The following CC2D2A variants were observed in gnomAD, a reference collection of about 807,000 sequenced individuals.
The protein encoded by CC2D2A is coiled-coil and C2 domain-containing protein 2A.
A neutral mutation model predicts 212.9 loss-of-function variants in CC2D2A; 155 were observed. The ratio of observed to expected loss-of-function variants is 0.73; its 90% CI spans 0.64 to 0.83. The LOEUF (loss-of-function observed/expected upper bound fraction) is 0.83. CC2D2A is among the 40% of genes least tolerant of loss of function. The probability of loss-of-function intolerance (pLI) is 0.00; values close to 1 mark genes in which losing one functional copy is unlikely to be tolerated. For missense variants in CC2D2A, 1,856 were observed against 1,956.2 expected, an observed-to-expected ratio of 0.95 and a Z score of 0.97; for synonymous variants, 667 against 686.5, an observed-to-expected ratio of 0.97 and a Z score of 0.44.
chr4:15,569,405 T>C lies in CC2D2A; in HGVS notation c.3495+16T>C. On this transcript the variant is annotated intron_variant, in intron 27 of 36. Transcript: ENST00000424120. ...TGTCTTAGAGGTAAGTTCTCAGTTTTAAGAAAGACACTTGTATTCACTTTC... is the reference window on the plus strand; with the variant it reads ...TGTCTTAGAGGTAAGTTCTCAGTTTCAAGAAAGACACTTGTATTCACTTTC... 7.1e-7 allele frequency: 1 copy of C among 1,415,868 alleles called. No homozygotes were observed. The highest frequency in any genetic ancestry group is 1.2e-5 in the South Asian group (1 of 81,542). The allele number at this position is 1,415,868 out of a possible 1,614,324, so 87.7% of individuals were successfully genotyped here. A position where few individuals can be genotyped will look rare whatever the true frequency, so the allele number is the denominator to read the frequency against.
chr4:15,598,943 T>C (rs965224593), intron 35 of CC2D2A, among the ~76,000 whole-genome samples: 5 of 152,118 alleles, frequency 3.3e-5, no homozygotes, highest in African/African-American at 9.7e-5. Context: ...GCGGATCACT[T>C]GAGCCCAAGA....
At chr4:15,574,122 T>C (rs1255427504) in intron 28 of CC2D2A, 28 bp from the exon 29 acceptor site, 9 of 1,502,586 alleles carry the variant, frequency 6.0e-6, no homozygotes, top group Non-Finnish European at 8.1e-6. Context: ...AGCATCAGGA[T>C]GTTTACCAAG....
chr4:15,502,634 C>G lies in CC2D2A; in HGVS notation c.336+117C>G, dbSNP rs1416903457. ...TTTGAATACCATTCAATTTGTCTTT[C>G]AAGTTTTAAATGTTAATGTCTTATT... On this transcript the variant is annotated intron_variant, in intron 5 of 36. Transcript: ENST00000424120. 4.7e-6 allele frequency: 5 copies of G among 1,072,428 alleles called. No individual in the cohort carries two copies. In the East Asian group the frequency reaches 1.0e-4, roughly 22 times the overall value. 66.4% of individuals were successfully genotyped at this position (1,072,428 alleles called of 1,614,324 possible).
At chr4:15,558,535 C>A (rs1288695667) in intron 21 of CC2D2A, among the ~76,000 whole-genome samples, 2 of 151,982 alleles carry the variant, frequency 1.3e-5, no homozygotes. Context: ...GACAGGTTTT[C>A]TCTACTTGAC....
chr4:15,549,670 G>C (rs556628698), intron 17 of CC2D2A, among the ~76,000 whole-genome samples: 2 of 152,336 alleles, frequency 1.3e-5, no homozygotes. Context: ...AGGCGTGGTG[G>C]TGGGCGCCTG....
intron 16 of CC2D2A, among the ~76,000 whole-genome samples, chr4:15,540,204 G>A (rs560397904): frequency 6.6e-6 from 1 of 151,504 alleles, no homozygotes; most frequent in Non-Finnish European, 1.5e-5. Context: ...AGCTTGAATT[G>A]CTATTGACTT....
intron 1 of CC2D2A, 130 bp from the exon 2 acceptor site, chr4:15,475,785 G>A: frequency 2.8e-6 from 2 of 726,248 alleles, no homozygotes; most frequent in Admixed American, 4.3e-5. Context: ...CAGGGTTCCT[G>A]GTGAGTGGAA....
At chr4:15,537,878 A>T in intron 15 of CC2D2A, 21 bp from the exon 16 acceptor site, 1 of 1,571,958 alleles carries the variant, frequency 6.4e-7, no homozygotes, top group Non-Finnish European at 8.6e-7. Context: ...GTTTGATATC[A>T]TGTTGCCTCT....
intron 2 of CC2D2A, 88 bp downstream of exon 2, chr4:15,476,059 AC>A: frequency 9.1e-7 from 1 of 1,101,424 alleles, no homozygotes; most frequent in Non-Finnish European, 1.3e-6. Flanking sequence ...AGTTAGGCCA[AC>A]CAGCATCTAT....
At chr4:15,567,023 C>A (rs1719912232) in intron 24 of CC2D2A, among the ~76,000 whole-genome samples, 1 of 151,970 alleles carries the variant, frequency 6.6e-6, no homozygotes. Flanking sequence ...TAACTCATGC[C>A]TGTGATTCCA....
intron 27 of CC2D2A, among the ~76,000 whole-genome samples, 162 bp from the exon 28 acceptor site, chr4:15,570,236 A>T (rs1431991459): frequency 6.6e-6 from 1 of 152,216 alleles, no homozygotes; most frequent in Non-Finnish European, 1.5e-5. Context: ...TGACTTTCCT[A>T]GGGCCACAAA....
At chr4:15,517,570 C>A (rs1716955442) in intron 11 of CC2D2A, among the ~76,000 whole-genome samples, 1 of 152,164 alleles carries the variant, frequency 6.6e-6, no homozygotes, top group Non-Finnish European at 1.5e-5. Context: ...ATCTGTAAGG[C>A]AGGCACGATA....
chr4:15,478,268 T>C lies in CC2D2A; in HGVS notation c.40-455T>C, dbSNP rs186547612. On this transcript the variant is annotated intron_variant, in intron 2 of 36. Coordinates refer to ENST00000424120, the MANE Select transcript of CC2D2A (RefSeq NM_001378615.1). ...TGTAACATGTATCATTATTATCCTTTTCCTGCTGGTAAGGCTGGAAAGCAG... is the reference window on the plus strand; with the variant it reads ...TGTAACATGTATCATTATTATCCTTCTCCTGCTGGTAAGGCTGGAAAGCAG... Among the ~76,000 whole-genome samples, 25 of 152,364 alleles carry C rather than the reference T, an allele frequency of 1.6e-4. No homozygotes were observed. In the South Asian group the frequency reaches 1.9e-3, roughly 11 times the overall value.
intron 4 of CC2D2A, among the ~76,000 whole-genome samples, chr4:15,494,756 C>A (rs2108990353): frequency 6.6e-6 from 1 of 152,222 alleles, no homozygotes; most frequent in South Asian, 2.1e-4. Flanking sequence ...AGACTGTCCA[C>A]TAATTACATT....
At chr4:15,568,763 A>G (rs1355909918) in intron 26 of CC2D2A, among the ~76,000 whole-genome samples, 4 of 152,220 alleles carry the variant, frequency 2.6e-5, no homozygotes, top group Non-Finnish European at 5.9e-5. Context: ...AGGCTTAGCT[A>G]GACTCAGAGT....
At chr4:15,487,443 T>C (rs1715057317) in intron 4 of CC2D2A, among the ~76,000 whole-genome samples, 1 of 152,126 alleles carries the variant, frequency 6.6e-6, no homozygotes, top group South Asian at 2.1e-4. Context: ...CTATTTTATC[T>C]GATACATATA....
chr4:15,586,526 T>C (rs895539305), intron 31 of CC2D2A, among the ~76,000 whole-genome samples: 1 of 152,228 alleles, frequency 6.6e-6, no homozygotes, highest in Non-Finnish European at 1.5e-5. Flanking sequence ...AACTTCTTGG[T>C]TTTGTTCATG....
rs559268697 is a variant in CC2D2A at position 15,480,569 on chromosome 4, G to A, written c.124-135G>A. ...CTGGTGGGTACTCACAGTGAGTCAG[G>A]TGACAGAGACTGTGGTTATCCAGAT... On this transcript the variant is annotated intron_variant, in intron 3 of 36. Coordinates refer to ENST00000424120, the MANE Select transcript of CC2D2A (RefSeq NM_001378615.1). The A allele has an allele frequency of 4.3e-5, 41 of 958,256 alleles. No individual in the cohort carries two copies. The African/African-American group carries it at 6.8e-4, about 16-fold the overall frequency. 59.4% of individuals were successfully genotyped at this position (958,256 alleles called of 1,614,324 possible).
At chr4:15,503,162 G>A (rs2108999118) in intron 6 of CC2D2A, among the ~76,000 whole-genome samples, 1 of 151,926 alleles carries the variant, frequency 6.6e-6, no homozygotes, top group South Asian at 2.1e-4. Flanking sequence ...ATTTAACTGG[G>A]CATGCTGGCT....
Sources: gnomAD v4.1 joint callset for allele counts (sites outside exome capture counted in the v4.1 genomes callset) on GRCh38, gnomAD v4.1.1 for gene constraint, MANE v1.5 for transcripts, NCBI Gene and HGNC (gene_info 2026-07-23, HGNC 2026-07-21) for gene names.